LIMD1: variants seen among roughly 807,000 people sequenced by gnomAD.
The protein encoded by LIMD1 is LIM domain containing 1, also known as LIM domain-containing protein 1.
Under a neutral mutation model 58.4 loss-of-function variants are expected in LIMD1, and 23 were observed. That is an observed-to-expected ratio of 0.39 (90% CI 0.28 to 0.56). The LOEUF (loss-of-function observed/expected upper bound fraction) is 0.56. Ranked by LOEUF, LIMD1 falls within the 20% of genes least tolerant of loss-of-function variation. LIMD1 has a pLI of 0.57. For synonymous variants in LIMD1, 334 were observed against 345.5 expected, an observed-to-expected ratio of 0.97 and a Z score of 0.37; for missense variants, 838 against 855.5, an observed-to-expected ratio of 0.98 and a Z score of 0.25.
At chr3:45,640,543 T>C (rs1416529892) in intron 2 of LIMD1, among the ~76,000 whole-genome samples, 1 of 152,076 alleles carries the variant, frequency 6.6e-6, no homozygotes, top group Non-Finnish European at 1.5e-5. Context: ...TTCTCCTGCC[T>C]CTCAGCCTCC....
chr3:45,595,360 G>T lies in LIMD1; in HGVS notation c.481G>T (p.Ala161Ser). ...GAGCCTGGCGACTTCTGAGATGTCTGCTTTCCACCAGCCAGGCCCCTGTGA... is the reference window on the plus strand; with the variant it reads ...GAGCCTGGCGACTTCTGAGATGTCTTCTTTCCACCAGCCAGGCCCCTGTGA... ...RESLATSEMS[A>S]FHQPGPCEDP... is the part of the protein sequence containing the mutation. Residue 161 changes from alanine to serine, a missense_variant, in exon 1 of 8, where the codon GCT becomes TCT. Transcript: ENST00000273317. The T allele has an allele frequency of 6.2e-7, 1 of 1,613,720 alleles. No individual in the cohort carries two copies. Among genetic ancestry groups the T allele is most frequent in the Non-Finnish European group, 8.5e-7 (1 of 1,180,042 alleles).
intron 2 of LIMD1, among the ~76,000 whole-genome samples, chr3:45,655,797 T>A (rs1390021108): frequency 3.3e-5 from 5 of 152,180 alleles, no homozygotes; most frequent in Non-Finnish European, 5.9e-5. Context: ...AGCTCCCTAG[T>A]GTTACGTCTC....
chr3:45,622,959 C>T (rs1051091857), intron 1 of LIMD1, among the ~76,000 whole-genome samples: 4 of 152,190 alleles, frequency 2.6e-5, no homozygotes, highest in South Asian at 4.1e-4. Flanking sequence ...TGAGCCACCG[C>T]ACCTGGCCTT....
chr3:45,647,572 G>T (rs1701919762), intron 2 of LIMD1, among the ~76,000 whole-genome samples: 1 of 152,224 alleles, frequency 6.6e-6, no homozygotes, highest in Non-Finnish European at 1.5e-5. Context: ...ACCATTGGTG[G>T]CATTTGGATG....
chr3:45,615,413 GCC>G lies in LIMD1; in HGVS notation c.1408+19127_1408+19128del, dbSNP rs1284703830. ...TGCACTTTTGTTACATGGATCTATT[GCC>G]TACTGGTGAAATCTGGGTTTTAGTG... is the stretch of plus-strand genomic sequence containing the variant. On this transcript the variant is annotated intron_variant, in intron 1 of 7. Coordinates refer to ENST00000273317, the MANE Select transcript of LIMD1 (RefSeq NM_014240.3). Among the ~76,000 whole-genome samples, 4 of 152,218 alleles carry G rather than the reference GCC, an allele frequency of 2.6e-5. No homozygotes were observed. The East Asian group carries it at 7.7e-4, about 29-fold the overall frequency.
chr3:45,643,574 G>A (rs979388750), intron 2 of LIMD1, among the ~76,000 whole-genome samples: 11 of 152,124 alleles, frequency 7.2e-5, no homozygotes, highest in Middle Eastern at 3.4e-3. Context: ...AAACTAAGAC[G>A]TTCATTTCAC....
intron 1 of LIMD1, among the ~76,000 whole-genome samples, chr3:45,632,332 C>T (rs533436895): frequency 1.1e-3 from 173 of 152,276 alleles, no homozygotes; most frequent in African/African-American, 4.0e-3. Flanking sequence ...TGGCATTTTT[C>T]GGAAAGATTT....
chr3:45,596,889 T>G (rs1575339255), intron 1 of LIMD1, among the ~76,000 whole-genome samples: 3 of 139,306 alleles, frequency 2.2e-5, no homozygotes, highest in African/African-American at 5.5e-5. Flanking sequence ...TGAGATGGAG[T>G]CTCGTTCTGT....
At chr3:45,637,210 A>G (rs748593691) in intron 2 of LIMD1, among the ~76,000 whole-genome samples, 3 of 152,166 alleles carry the variant, frequency 2.0e-5, no homozygotes, top group East Asian at 1.9e-4. Flanking sequence ...AGGAACCTCA[A>G]TCTGATTCTG....
In LIMD1 at chr3:45,651,247, G is replaced by C. The variant is rs191603837; in HGVS notation, c.1511-14403G>C. Among the ~76,000 whole-genome samples, 12 of 152,270 alleles carry C rather than the reference G, an allele frequency of 7.9e-5. No individual in the cohort carries two copies. The East Asian group carries it at 2.3e-3, about 29-fold the overall frequency. On this transcript the variant is annotated intron_variant, in intron 2 of 7. Transcript: ENST00000273317. ...TCTGGATATTAGCCCTTTATCAGAT[G>C]GGTAGATTGTAGAAATTTTCTCCCA...
intron 5 of LIMD1, 144 bp from the exon 6 acceptor site, chr3:45,673,310 C>T (rs1697619095): frequency 2.9e-6 from 2 of 687,440 alleles, no homozygotes; most frequent in South Asian, 3.3e-5. Context: ...CAAAGTGAGC[C>T]AGGTACCAGT....
rs889107868 is a variant in LIMD1 at position 45,684,401 on chromosome 3, A to T, written c.*7342A>T. The T allele has an allele frequency of 3.9e-5, 6 of 152,266 alleles. No homozygotes were observed. The highest frequency in any genetic ancestry group is 1.4e-4 in the African/African-American group (6 of 41,464). 9.4% of individuals were successfully genotyped at this position (152,266 alleles called of 1,614,324 possible). A position where few individuals can be genotyped will look rare whatever the true frequency, so the allele number is the denominator to read the frequency against. On this transcript the variant is annotated 3_prime_UTR_variant, in exon 8 of 8. Coordinates refer to ENST00000273317, the MANE Select transcript of LIMD1 (RefSeq NM_014240.3). ...AAGCCAGACTCCATGACATACAAAT[A>T]GATCAAAGTGAATCGGCTCCGTTGT...
At chr3:45,611,019 G>A (rs1356169231) in intron 1 of LIMD1, among the ~76,000 whole-genome samples, 1 of 152,154 alleles carries the variant, frequency 6.6e-6, no homozygotes, top group African/African-American at 2.4e-5. Flanking sequence ...ATCGCACGTG[G>A]CTTGCATATT....
chr3:45,660,949 T>C (rs1022289125), intron 2 of LIMD1, among the ~76,000 whole-genome samples: 5 of 152,220 alleles, frequency 3.3e-5, no homozygotes, highest in Non-Finnish European at 4.4e-5. Flanking sequence ...TGATGATCCC[T>C]GAGATCACCC....
chr3:45,625,135 G>A (rs1234253607), intron 1 of LIMD1, among the ~76,000 whole-genome samples: 1 of 152,134 alleles, frequency 6.6e-6, no homozygotes, highest in Non-Finnish European at 1.5e-5. Flanking sequence ...CTAGGAGGCA[G>A]AGTGGTCTCT....
intron 1 of LIMD1, among the ~76,000 whole-genome samples, chr3:45,623,240 C>T (rs566751486): frequency 1.2e-4 from 19 of 152,190 alleles, no homozygotes; most frequent in African/African-American, 4.3e-4. Flanking sequence ...TGTGGAGAGA[C>T]TCGAAGTTAA....
chr3:45,609,603 C>T (rs1010627733), intron 1 of LIMD1, among the ~76,000 whole-genome samples: 1 of 152,156 alleles, frequency 6.6e-6, no homozygotes, highest in Non-Finnish European at 1.5e-5. Context: ...GGCTTTCCTG[C>T]GGGGTTCCAC....
intron 1 of LIMD1, among the ~76,000 whole-genome samples, chr3:45,598,014 G>A (rs1265878578): frequency 6.6e-6 from 1 of 152,024 alleles, no homozygotes; most frequent in East Asian, 1.9e-4. Flanking sequence ...TTGAGACAAG[G>A]TCTTGCCTTG....
chr3:45,643,633 A>G (rs928470777), intron 2 of LIMD1, among the ~76,000 whole-genome samples: 4 of 152,172 alleles, frequency 2.6e-5, no homozygotes, highest in Non-Finnish European at 4.4e-5. Context: ...CATGATTCCT[A>G]TTAGTTTTTC....
Sources: gnomAD v4.1 joint callset for allele counts (sites outside exome capture counted in the v4.1 genomes callset) on GRCh38, gnomAD v4.1.1 for gene constraint, MANE v1.5 for transcripts, NCBI Gene and HGNC (gene_info 2026-07-23, HGNC 2026-07-21) for gene names.